Variants in RGS5 observed in about 807,000 individuals in gnomAD.
The protein encoded by RGS5 is regulator of G-protein signalling 5.
In RGS5, 20 loss-of-function variants were observed where a neutral mutation model predicts 18.9. The ratio of observed to expected loss-of-function variants is 1.06; its 90% confidence interval spans 0.74 to 1.54. The LOEUF (loss-of-function observed/expected upper bound fraction) is 1.54. RGS5 is among the 40% of genes most tolerant of loss of function. The probability of loss-of-function intolerance (pLI) is 0.00; values close to 1 mark genes in which losing one functional copy is unlikely to be tolerated. For missense variants in RGS5, 201 were observed against 211.8 expected (o/e 0.95, Z 0.32); for synonymous variants, 57 against 76.2 (o/e 0.75, Z 1.31).
intron 2 of RGS5, among the ~76,000 whole-genome samples, chr1:163,273,901 G>C (rs765935767): frequency 6.6e-6 from 1 of 152,170 alleles, no homozygotes; most frequent in Non-Finnish European, 1.5e-5. Flanking sequence ...ATGTATGGTT[G>C]ATAATGTCTT....
intron 2 of RGS5, chr1:163,266,666 C>T (rs147041097): frequency 6.6e-6 from 1 of 152,280 alleles, no homozygotes; most frequent in East Asian, 1.9e-4. Flanking sequence ...CCTCTCTCAG[C>T]TTCCTCAGGT....
At chr1:163,316,124 T>A (rs555339065) in intron 1 of RGS5, among the ~76,000 whole-genome samples, 3 of 152,338 alleles carry the variant, frequency 2.0e-5, no homozygotes, top group East Asian at 3.9e-4. Context: ...ATAAAAGCAT[T>A]ACGCATTTTT....
intron 2 of RGS5, among the ~76,000 whole-genome samples, chr1:163,264,479 T>C (rs1219016050): frequency 6.6e-6 from 1 of 152,156 alleles, no homozygotes; most frequent in Non-Finnish European, 1.5e-5. Flanking sequence ...TTCCCCTGTA[T>C]CCTACACCCC....
intron 3 of RGS5, among the ~76,000 whole-genome samples, chr1:163,154,090 A>C (rs1380660189): frequency 6.6e-6 from 1 of 152,128 alleles, no homozygotes; most frequent in Non-Finnish European, 1.5e-5. Context: ...ACCTGGAAAC[A>C]CTTCTGCAAT....
intron 2 of RGS5, among the ~76,000 whole-genome samples, chr1:163,243,708 A>T (rs1647859784): frequency 1.3e-5 from 2 of 150,686 alleles, no homozygotes; most frequent in African/African-American, 4.9e-5. Flanking sequence ...ACCATGGCAC[A>T]GGTTTACCTT....
At chr1:163,170,354 A>G (rs960861746) in intron 1 of RGS5, among the ~76,000 whole-genome samples, 3 of 152,236 alleles carry the variant, frequency 2.0e-5, no homozygotes, top group African/African-American at 7.2e-5. Flanking sequence ...GCCAAAGTGA[A>G]CTAAAAATAT....
At chr1:163,271,349 T>G (rs1328526008) in intron 2 of RGS5, among the ~76,000 whole-genome samples, 1 of 152,096 alleles carries the variant, frequency 6.6e-6, no homozygotes. Context: ...GATGATGTCA[T>G]GAAGGTAGAG....
At chr1:163,171,256 G>A (rs1049420086) in intron 1 of RGS5, among the ~76,000 whole-genome samples, 4 of 152,188 alleles carry the variant, frequency 2.6e-5, no homozygotes, top group Non-Finnish European at 2.9e-5. Flanking sequence ...AGAAATGCAT[G>A]CAATATTTGT....
chr1:163,192,921 AT>A, intron 1 of RGS5, among the ~76,000 whole-genome samples: 1 of 152,152 alleles, frequency 6.6e-6, no homozygotes, highest in African/African-American at 2.4e-5. Context: ...ACAGGAAGCT[AT>A]TTTTTAATGG....
intron 2 of RGS5, among the ~76,000 whole-genome samples, chr1:163,267,102 A>T (rs1268068927): frequency 6.6e-6 from 1 of 152,054 alleles, no homozygotes; most frequent in Non-Finnish European, 1.5e-5. Context: ...CCTCAATGTA[A>T]CAGTGTTTGG....
chr1:163,200,560 AG>A lies in RGS5; in HGVS notation c.44+2231del, dbSNP rs546620730. Among the ~76,000 whole-genome samples, 462 of 152,262 alleles carry A rather than the reference AG, an allele frequency of 3.0e-3. 2 individuals carry two copies. Among genetic ancestry groups the A allele is most frequent in the Middle Eastern group, 0.014 (4 of 294 alleles). Reference sequence around the variant, plus strand: ...GTGTCATTTTCCCCTTAGAATAGACAGTGTTAGACCCTTTCCATGGGTAAGT... The same window carrying A: ...GTGTCATTTTCCCCTTAGAATAGACATGTTAGACCCTTTCCATGGGTAAGT... On this transcript the variant is annotated intron_variant, in intron 1 of 4. Transcript: ENST00000313961.
Position 163,183,691 on chromosome 1 carries a change from T to C in RGS5, c.45-15323A>G, listed in dbSNP as rs561820434. The stretch of plus-strand genomic sequence containing the variant: ...AAATACACAGACAAGTTGAGGAAAA[T>C]TGAGTAAAAGTGATATAAACTACAA... On this transcript the variant is annotated intron_variant, in intron 1 of 4. Transcript: ENST00000313961. Among the ~76,000 whole-genome samples the C allele has an allele frequency of 1.1e-4, 16 of 152,218 alleles. 1 individual carries two copies. The East Asian group carries it at 2.7e-3, about 26-fold the overall frequency.
intron 2 of RGS5, chr1:163,248,337 C>T (rs1046946571): frequency 2.0e-5 from 3 of 152,128 alleles, no homozygotes; most frequent in African/African-American, 7.2e-5. Context: ...ACTGCTGACA[C>T]TCCATCAGGG....
intron 2 of RGS5, among the ~76,000 whole-genome samples, chr1:163,287,362 T>A (rs1649170897): frequency 6.6e-6 from 1 of 152,142 alleles, no homozygotes; most frequent in Non-Finnish European, 1.5e-5. Context: ...CTTCACCTAT[T>A]CCCCCACCCC....
intron 1 of RGS5, among the ~76,000 whole-genome samples, chr1:163,190,829 C>T (rs1288010953): frequency 6.6e-6 from 1 of 152,166 alleles, no homozygotes; most frequent in African/African-American, 2.4e-5. Context: ...TGGCCAATTG[C>T]CTGGCTATAT....
intron 4 of RGS5, among the ~76,000 whole-genome samples, chr1:163,151,668 C>T (rs1353392943): frequency 6.6e-6 from 1 of 152,120 alleles, no homozygotes; most frequent in Non-Finnish European, 1.5e-5. Context: ...CTCCTGCCAC[C>T]CTGTGAAGAG....
upstream of RGS5, among the ~76,000 whole-genome samples, chr1:163,204,309 C>CCACACA (rs10616125): frequency 2.3e-4 from 34 of 145,090 alleles, no homozygotes; most frequent in East Asian, 8.2e-4. Flanking sequence ...TGGCTCTAAA[C>CCACACA]CACACACACA....
intron 1 of RGS5, among the ~76,000 whole-genome samples, chr1:163,202,551 A>G (rs1241426476): frequency 6.6e-6 from 1 of 152,208 alleles, no homozygotes; most frequent in Non-Finnish European, 1.5e-5. Flanking sequence ...CTTGAAGGAA[A>G]TGATGTTCTG....
intron 3 of RGS5, 107 bp from the exon 4 acceptor site, chr1:163,152,823 A>C: frequency 2.0e-6 from 2 of 1,011,110 alleles, no homozygotes; most frequent in Admixed American, 2.7e-5. Context: ...CTATGCACAA[A>C]GTTTTAGCTC....
Sources: allele counts gnomAD v4.1 joint callset (sites outside exome capture counted in the v4.1 genomes callset), GRCh38; gene constraint gnomAD v4.1.1; transcripts MANE v1.5; gene names NCBI Gene and HGNC (gene_info 2026-07-23, HGNC 2026-07-21).